The following GALNT18 variants were observed in gnomAD, a reference collection of about 807,000 sequenced individuals.
The protein encoded by GALNT18 is polypeptide N-acetylgalactosaminyltransferase 18, also known as GalNAc-transferase 18.
In GALNT18, 44 loss-of-function variants were observed where a neutral mutation model predicts 69.5. That is an observed-to-expected ratio of 0.63 (90% CI 0.50 to 0.81). GALNT18 has a LOEUF of 0.81. Among genes scored for constraint, GALNT18 ranks in the 40% least tolerant of loss-of-function variants. GALNT18 has a pLI of 0.00. For missense variants in GALNT18, 715 were observed against 810.0 expected (o/e 0.88, Z 1.42); for synonymous variants, 364 against 318.2 (o/e 1.14, Z -1.53).
Position 11,617,048 on chromosome 11 carries a change from T to G in GALNT18, c.235+4311A>C, listed in dbSNP as rs370520510. ...AGCACCTTTAAGTTTCCAATGAATTTTAAAGAAAACAGAACTATGGGATAT... is the reference window on the plus strand; with the variant it reads ...AGCACCTTTAAGTTTCCAATGAATTGTAAAGAAAACAGAACTATGGGATAT... On this transcript the variant is annotated intron_variant, in intron 1 of 10. Coordinates refer to ENST00000227756, the MANE Select transcript of GALNT18 (RefSeq NM_198516.3). This position sits in a 1 kb window ranked among gnomAD's most constrained non-coding sequence, Gnocchi z 4.7. 1.4e-4 allele frequency among the ~76,000 whole-genome samples: 21 copies of G among 152,034 alleles called. No homozygotes were observed. The highest frequency in any genetic ancestry group is 4.4e-4 in the African/African-American group (18 of 41,326).
intron 6 of GALNT18, among the ~76,000 whole-genome samples, chr11:11,358,206 C>T (rs770252276): frequency 7.1e-6 from 1 of 140,586 alleles, no homozygotes; most frequent in Non-Finnish European, 1.6e-5. Flanking sequence ...ATAGTTTTGG[C>T]TTTCTGTTGA....
intron 8 of GALNT18, among the ~76,000 whole-genome samples, chr11:11,328,039 G>A (rs950889999): frequency 2.0e-5 from 3 of 152,078 alleles, no homozygotes; most frequent in Non-Finnish European, 4.4e-5. Context: ...TCAGTGGGTG[G>A]TGGCCACTAG....
At chr11:11,418,385 TAATA>T (rs1261001399) in intron 3 of GALNT18, among the ~76,000 whole-genome samples, 1 of 152,242 alleles carries the variant, frequency 6.6e-6, no homozygotes, top group African/African-American at 2.4e-5. Context: ...AGCAGGTACC[TAATA>T]AATTATCATG....
At chr11:11,460,031 C>T (rs1856006446) in intron 1 of GALNT18, among the ~76,000 whole-genome samples, 1 of 152,172 alleles carries the variant, frequency 6.6e-6, no homozygotes, top group African/African-American at 2.4e-5. Context: ...AAGTCCATCC[C>T]ACATCGCAGC....
rs1426118056 is a variant in GALNT18 at position 11,377,693 on chromosome 11, A to G, written c.780-314T>C. On this transcript the variant is annotated intron_variant, in intron 4 of 10. Transcript: ENST00000227756. The surrounding 1 kb of genome is among the most constrained non-coding windows in gnomAD (Gnocchi z 4.6). Reference sequence around the variant, plus strand: ...TAGAAAAAAAAAAAATCAAGACTCAAAAAAGAAGAAAAAGAAGAAAGAAAC... The same window carrying G: ...TAGAAAAAAAAAAAATCAAGACTCAGAAAAGAAGAAAAAGAAGAAAGAAAC... 6.6e-6 allele frequency among the ~76,000 whole-genome samples: 1 copy of G among 152,108 alleles called. No homozygotes were observed. Among genetic ancestry groups the G allele is most frequent in the Non-Finnish European group, 1.5e-5 (1 of 68,014 alleles).
chr11:11,514,867 G>A (rs1857240005), intron 1 of GALNT18, among the ~76,000 whole-genome samples: 1 of 152,184 alleles, frequency 6.6e-6, no homozygotes, highest in African/African-American at 2.4e-5. Flanking sequence ...TGGACCAGGA[G>A]GCAGAGGTTT....
At position 11,620,377 on chromosome 11, in the gene GALNT18, C is replaced by G. The variant is rs1008674241; in HGVS notation, c.235+982G>C. Among the ~76,000 whole-genome samples the G allele has an allele frequency of 6.6e-6, 1 of 152,002 alleles. No individual in the cohort carries two copies. ...CACCCGGCACCAGTGCTCCTGGCGC[C>G]CGGAACTCCATTCCCTCCCATGACA... On this transcript the variant is annotated intron_variant, in intron 1 of 10. Transcript: ENST00000227756. This position sits in a 1 kb window ranked among gnomAD's most constrained non-coding sequence, Gnocchi z 6.9.
chr11:11,588,194 G>C (rs751043437), intron 1 of GALNT18, among the ~76,000 whole-genome samples: 1 of 152,012 alleles, frequency 6.6e-6, no homozygotes, highest in Admixed American at 6.5e-5. Flanking sequence ...ACACTTTCTT[G>C]TCCTTTTCTT....
rs1853961607 is a variant in GALNT18, at chr11:11,383,120, T to C, written c.596-3856A>G. ...GAAGCAGTGATGAAACACCACTCAC[T>C]CCTGGGAGGTCACAGGCCACTCTCC... is the stretch of plus-strand genomic sequence containing the variant. On this transcript the variant is annotated intron_variant, in intron 3 of 10. Coordinates refer to ENST00000227756, the MANE Select transcript of GALNT18 (RefSeq NM_198516.3). The surrounding 1 kb of genome is among the most constrained non-coding windows in gnomAD (Gnocchi z 5.2). Among the ~76,000 whole-genome samples the C allele has an allele frequency of 6.6e-6, 1 of 152,096 alleles. No homozygotes were observed. The highest frequency in any genetic ancestry group is 1.5e-5 in the Non-Finnish European group (1 of 68,010).
Position 11,341,791 on chromosome 11 carries a change from C to T in GALNT18, c.1093-787G>A, listed in dbSNP as rs540802374. Among the ~76,000 whole-genome samples, 11 of 152,136 alleles carry T rather than the reference C, an allele frequency of 7.2e-5. No homozygotes were observed. The highest frequency in any genetic ancestry group is 1.9e-4 in the East Asian group (1 of 5,158). On this transcript the variant is annotated intron_variant, in intron 6 of 10. Coordinates refer to ENST00000227756, the MANE Select transcript of GALNT18 (RefSeq NM_198516.3). This position sits in a 1 kb window ranked among gnomAD's most constrained non-coding sequence, Gnocchi z 6.3. Reference sequence around the variant, plus strand: ...GGTAATTTTAGAATGCCCCACTGCCCCCAACTCCTTCTTCAGCTGAAAAAA... The same window carrying T: ...GGTAATTTTAGAATGCCCCACTGCCTCCAACTCCTTCTTCAGCTGAAAAAA...
At chr11:11,386,698 C>T (rs1221582247) in intron 3 of GALNT18, among the ~76,000 whole-genome samples, 2 of 152,078 alleles carry the variant, frequency 1.3e-5, no homozygotes, top group Non-Finnish European at 2.9e-5. Context: ...ATTTCAACAA[C>T]CCTAAGATAT....
intron 1 of GALNT18, among the ~76,000 whole-genome samples, chr11:11,476,612 CT>C (rs1338969356): frequency 1.1e-4 from 17 of 152,184 alleles, no homozygotes; most frequent in Non-Finnish European, 2.9e-5. Context: ...TTGGAATGTC[CT>C]GTTCTCAGGA....
intron 10 of GALNT18, among the ~76,000 whole-genome samples, chr11:11,272,069 C>T (rs1848839176): frequency 6.6e-6 from 1 of 152,190 alleles, no homozygotes. Context: ...TTTGGCCTCC[C>T]AAGCAGGCAG....
intron 10 of GALNT18, among the ~76,000 whole-genome samples, chr11:11,280,344 T>G (rs1446200951): frequency 6.6e-6 from 1 of 152,112 alleles, no homozygotes; most frequent in Non-Finnish European, 1.5e-5. Context: ...AAGGCCAGCC[T>G]CTCGCTCTCA....
rs1589956989 is a variant in GALNT18 at position 11,383,938 on chromosome 11, C to T, written c.596-4674G>A. 6.6e-6 allele frequency among the ~76,000 whole-genome samples: 1 copy of T among 152,104 alleles called. No individual in the cohort carries two copies. The highest frequency in any genetic ancestry group is 1.9e-4 in the East Asian group (1 of 5,196). ...TGTAAGTTTCCTGAGGCCTCCGCAG[C>T]CATGTGGAACTGTGAGTCAATTAAA... On this transcript the variant is annotated intron_variant, in intron 3 of 10. Coordinates refer to ENST00000227756, the MANE Select transcript of GALNT18 (RefSeq NM_198516.3). The surrounding 1 kb of genome is among the most constrained non-coding windows in gnomAD (Gnocchi z 5.2).
chr11:11,494,695 G>A lies in GALNT18; in HGVS notation c.236-45759C>T, dbSNP rs1856836806. On this transcript the variant is annotated intron_variant, in intron 1 of 10. Coordinates refer to ENST00000227756, the MANE Select transcript of GALNT18 (RefSeq NM_198516.3). The surrounding 1 kb of genome is among the most constrained non-coding windows in gnomAD (Gnocchi z 5.7). Reference sequence around the variant, plus strand: ...GAGGATTGGGGTGGATTTGACAGCAGTTCCTCTTCTATTCTGTCAGTACAC... The same window carrying A: ...GAGGATTGGGGTGGATTTGACAGCAATTCCTCTTCTATTCTGTCAGTACAC... Among the ~76,000 whole-genome samples, 1 of 152,194 alleles carries A rather than the reference G, an allele frequency of 6.6e-6. No homozygotes were observed. The highest frequency in any genetic ancestry group is 6.5e-5 in the Admixed American group (1 of 15,282).
At position 11,563,842 on chromosome 11, in the gene GALNT18, G is replaced by C. The variant is rs1301667767; in HGVS notation, c.235+57517C>G. Among the ~76,000 whole-genome samples, 1 of 152,208 alleles carries C rather than the reference G, an allele frequency of 6.6e-6. No homozygotes were observed. The highest frequency in any genetic ancestry group is 1.5e-5 in the Non-Finnish European group (1 of 68,038). On this transcript the variant is annotated intron_variant, in intron 1 of 10. Coordinates refer to ENST00000227756, the MANE Select transcript of GALNT18 (RefSeq NM_198516.3). The surrounding 1 kb of genome is among the most constrained non-coding windows in gnomAD (Gnocchi z 4.6). ...GAGAGGGAGACGAGATGAGAAAACA[G>C]ATATCCTTTCCCAGGATTTGGGAGC...
rs149125196 is a variant in GALNT18, at chr11:11,453,698, T to C, written c.236-4762A>G. Among the ~76,000 whole-genome samples the C allele has an allele frequency of 4.0e-3, 602 of 152,204 alleles. 4 individuals are homozygous for C. Among genetic ancestry groups the C allele is most frequent in the African/African-American group, 0.014 (584 of 41,516 alleles). ...ACGATAGTGAATAACCCTCAAGAGATCTGACGGTTTTATAAAGGGGAGCTT... is the reference window on the plus strand; with the variant it reads ...ACGATAGTGAATAACCCTCAAGAGACCTGACGGTTTTATAAAGGGGAGCTT... On this transcript the variant is annotated intron_variant, in intron 1 of 10. Coordinates refer to ENST00000227756, the MANE Select transcript of GALNT18 (RefSeq NM_198516.3).
At chr11:11,392,076 G>C (rs1268038111) in intron 3 of GALNT18, among the ~76,000 whole-genome samples, 1 of 152,180 alleles carries the variant, frequency 6.6e-6, no homozygotes, top group Admixed American at 6.5e-5. Context: ...GTTTTTCTTT[G>C]GTTTCCTCTG....
Sources: allele counts gnomAD v4.1 joint callset (sites outside exome capture counted in the v4.1 genomes callset), GRCh38; gene constraint gnomAD v4.1.1; non-coding constraint Gnocchi (gnomAD v3.1); transcripts MANE v1.5; gene names NCBI Gene and HGNC (gene_info 2026-07-23, HGNC 2026-07-21).